The following AGBL4 variants were observed in gnomAD, a reference collection of about 807,000 sequenced individuals.
The protein encoded by AGBL4 is cytosolic carboxypeptidase 6.
Under a neutral mutation model 66.4 loss-of-function variants are expected in AGBL4, and 58 were observed. That is an observed-to-expected ratio of 0.87 (90% CI 0.71 to 1.09). The LOEUF (loss-of-function observed/expected upper bound fraction) is 1.09. Among genes scored for constraint, AGBL4 ranks in the 50% least tolerant of loss-of-function variants. The pLI, the probability that AGBL4 is intolerant of heterozygous loss-of-function variation, is 0.00. For synonymous variants in AGBL4, 234 were observed against 222.9 expected (o/e 1.05, Z -0.44); for missense variants, 579 against 631.0 (o/e 0.92, Z 0.88).
At position 49,653,351 on chromosome 1, in the gene AGBL4, T is replaced by G. The variant is rs149827093; in HGVS notation, c.282+43962A>C. Among the ~76,000 whole-genome samples, 466 of 151,852 alleles carry G rather than the reference T, an allele frequency of 3.1e-3. 1 individual carries two copies. Among genetic ancestry groups the G allele is most frequent in the Non-Finnish European group, 4.9e-3 (330 of 67,906 alleles). On this transcript the variant is annotated intron_variant, in intron 3 of 13. Coordinates refer to ENST00000371839, the MANE Select transcript of AGBL4 (RefSeq NM_032785.4). ...CAAAGATCAAAAGTAGATAAACCCA[T>G]GAAGATGAGAAAGAATCAACATAAA...
chr1:49,444,797 CTT>C (rs1460332489), intron 3 of AGBL4, among the ~76,000 whole-genome samples: 1 of 151,938 alleles, frequency 6.6e-6, no homozygotes, highest in Non-Finnish European at 1.5e-5. Flanking sequence ...ATATATGAGT[CTT>C]TGCTTCTGTC....
intron 1 of AGBL4, among the ~76,000 whole-genome samples, chr1:50,021,729 T>C (rs530816690): frequency 1.4e-4 from 21 of 152,334 alleles, no homozygotes; most frequent in African/African-American, 5.1e-4. Context: ...ATGTAGCTGG[T>C]GGAGAGTATA....
Position 49,653,972 on chromosome 1 carries a change from A to G in AGBL4, c.282+43341T>C, listed in dbSNP as rs545829823. ...ATGTACAAATTCAGGAAATACAGAC[A>G]ACCCCAGTAAAGTACTCCATGAGAA... On this transcript the variant is annotated intron_variant, in intron 3 of 13. Transcript: ENST00000371839. Among the ~76,000 whole-genome samples, 7 of 152,228 alleles carry G rather than the reference A, an allele frequency of 4.6e-5. No individual in the cohort carries two copies. In the South Asian group the frequency reaches 1.5e-3, roughly 32 times the overall value.
chr1:49,812,782 T>A (rs1426233104), intron 2 of AGBL4, among the ~76,000 whole-genome samples: 1 of 152,306 alleles, frequency 6.6e-6, no homozygotes, highest in South Asian at 2.1e-4. Flanking sequence ...TGCAAACATT[T>A]ACTGCAGAAC....
intron 1 of AGBL4, among the ~76,000 whole-genome samples, chr1:49,895,934 A>G (rs1571824521): frequency 1.0e-5 from 1 of 97,518 alleles, no homozygotes. Context: ...AGAGTGGCTG[A>G]ATGGGGTAAA....
intron 3 of AGBL4, among the ~76,000 whole-genome samples, chr1:49,271,984 G>A (rs759389490): frequency 6.6e-6 from 1 of 152,190 alleles, no homozygotes; most frequent in Non-Finnish European, 1.5e-5. Context: ...TACAATGGAT[G>A]TGAGGTCACT....
At chr1:49,072,259 G>T (rs1036532037) in intron 4 of AGBL4, among the ~76,000 whole-genome samples, 17 of 152,122 alleles carry the variant, frequency 1.1e-4, no homozygotes, top group Middle Eastern at 3.2e-3. Flanking sequence ...GGTTAATATT[G>T]TTATGTGTGA....
At chr1:49,824,971 A>G (rs1032888103) in intron 2 of AGBL4, among the ~76,000 whole-genome samples, 1 of 152,164 alleles carries the variant, frequency 6.6e-6, no homozygotes, top group African/African-American at 2.4e-5. Context: ...TTTTGACTCC[A>G]TACTACTCCA....
chr1:48,934,695 C>T (rs911732702), intron 5 of AGBL4, among the ~76,000 whole-genome samples: 3 of 152,168 alleles, frequency 2.0e-5, no homozygotes, highest in African/African-American at 7.2e-5. Context: ...ATTTTAATTA[C>T]CCTCATCCCT....
chr1:49,156,737 AT>A (rs759263150), intron 4 of AGBL4, among the ~76,000 whole-genome samples: 24 of 152,194 alleles, frequency 1.6e-4, no homozygotes, highest in Non-Finnish European at 2.6e-4. Flanking sequence ...AACCTTATCG[AT>A]TAATATAACC....
At chr1:49,877,588 G>A (rs902260536) in intron 1 of AGBL4, among the ~76,000 whole-genome samples, 22 of 152,064 alleles carry the variant, frequency 1.4e-4, no homozygotes, top group East Asian at 5.8e-4. Context: ...TTTTTGCATC[G>A]ATGTTCATCA....
chr1:49,099,642 T>A (rs140224603), intron 4 of AGBL4, among the ~76,000 whole-genome samples: 236 of 152,290 alleles, frequency 1.5e-3, no homozygotes, highest in Non-Finnish European at 2.5e-3. Flanking sequence ...TTTGTACTTA[T>A]CAGTCCATAC....
In AGBL4 at chr1:48,769,609, C is replaced by T. The variant is rs555318716; in HGVS notation, c.634+97582G>A. On this transcript the variant is annotated intron_variant, in intron 6 of 13. Transcript: ENST00000371839. ...AACTTGTATGCTCCTTCCAAGTGCT[C>T]GTTCCTCTAAGTCATTCCTTTCCAC... Among the ~76,000 whole-genome samples the T allele has an allele frequency of 7.3e-5, 11 of 151,216 alleles. No individual in the cohort carries two copies. The East Asian group carries it at 1.9e-3, about 27-fold the overall frequency.
chr1:49,625,030 A>C (rs1645438568), intron 3 of AGBL4, among the ~76,000 whole-genome samples: 1 of 152,150 alleles, frequency 6.6e-6, no homozygotes. Context: ...GGGTCTCATA[A>C]ATTTTCCTAG....
Position 49,871,170 on chromosome 1 carries a change from T to C in AGBL4, c.35-19652A>G, listed in dbSNP as rs12043973. 8.0e-3 allele frequency among the ~76,000 whole-genome samples: 1,217 copies of C among 152,238 alleles called. 9 individuals are homozygous for C. Among genetic ancestry groups the C allele is most frequent in the Middle Eastern group, 0.031 (9 of 294 alleles). ...AGCAATACCAGCATCTGGGCCCCTG[T>C]ATTAGATTAACAAGGTTTTCTTGGA... On this transcript the variant is annotated intron_variant, in intron 1 of 13. Coordinates refer to ENST00000371839, the MANE Select transcript of AGBL4 (RefSeq NM_032785.4).
At chr1:49,020,635 G>T (rs1216137480) in intron 5 of AGBL4, among the ~76,000 whole-genome samples, 1 of 152,042 alleles carries the variant, frequency 6.6e-6, no homozygotes, top group Non-Finnish European at 1.5e-5. Flanking sequence ...TCTTAGCAAG[G>T]GTGAGCCTGA....
intron 4 of AGBL4, among the ~76,000 whole-genome samples, chr1:49,211,892 C>G (rs1444534963): frequency 6.6e-6 from 1 of 152,088 alleles, no homozygotes; most frequent in African/African-American, 2.4e-5. Flanking sequence ...ATCATCATCA[C>G]CACCCTGGCA....
At chr1:48,837,114 T>C (rs1646694706) in intron 6 of AGBL4, among the ~76,000 whole-genome samples, 1 of 151,086 alleles carries the variant, frequency 6.6e-6, no homozygotes. Context: ...GTAAGTTCTA[T>C]GAAGGAAAAT....
intron 3 of AGBL4, among the ~76,000 whole-genome samples, chr1:49,439,728 C>G (rs1645982549): frequency 6.6e-6 from 1 of 152,158 alleles, no homozygotes; most frequent in African/African-American, 2.4e-5. Context: ...CTGGCCTAGC[C>G]TCCCAGCCTA....
Sources: gnomAD v4.1 joint callset for allele counts (sites outside exome capture counted in the v4.1 genomes callset) on GRCh38, gnomAD v4.1.1 for gene constraint, MANE v1.5 for transcripts, NCBI Gene and HGNC (gene_info 2026-07-23, HGNC 2026-07-21) for gene names.